Variants in ILRUN observed in about 807,000 individuals in gnomAD.
ILRUN encodes the protein protein ILRUN.
In ILRUN, 3 loss-of-function variants were observed where a neutral mutation model predicts 33.8. The ratio of observed to expected loss-of-function variants is 0.09; its 90% CI spans 0.04 to 0.23. The LOEUF (loss-of-function observed/expected upper bound fraction) is 0.23, where lower values mean the gene tolerates loss of function less well. ILRUN is among the 10% of genes least tolerant of loss of function. The pLI is 1.00. For missense variants in ILRUN, 210 were observed against 375.1 expected, an observed-to-expected ratio of 0.56 and a Z score of 3.64; for synonymous variants, 124 against 138.9, an observed-to-expected ratio of 0.89 and a Z score of 0.75.
At chr6:34,624,709 C>T (rs936800898) in intron 3 of ILRUN, among the ~76,000 whole-genome samples, 1 of 152,172 alleles carries the variant, frequency 6.6e-6, no homozygotes, top group African/African-American at 2.4e-5. Flanking sequence ...CCAAGGTGAG[C>T]TTTAACTTCT....
rs148993318 is a variant in ILRUN, at chr6:34,692,514, A to C, written c.158+3932T>G. Among the ~76,000 whole-genome samples, 730 of 152,308 alleles carry C rather than the reference A, an allele frequency of 4.8e-3. 9 individuals carry two copies. Among genetic ancestry groups the C allele is most frequent in the African/African-American group, 0.016 (685 of 41,564 alleles). ...TAGAAATTAAATGATGCGTAGAACAACACGTCTAGACTTTAGATTTTTACT... is the reference window on the plus strand; with the variant it reads ...TAGAAATTAAATGATGCGTAGAACACCACGTCTAGACTTTAGATTTTTACT... On this transcript the variant is annotated intron_variant, in intron 1 of 4. Transcript: ENST00000374023.
At chr6:34,676,300 G>A (rs1339972559) in intron 1 of ILRUN, among the ~76,000 whole-genome samples, 2 of 151,920 alleles carry the variant, frequency 1.3e-5, no homozygotes, top group Admixed American at 1.3e-4. Context: ...TAGGGAGGCT[G>A]AGGCAGGAGG....
intron 1 of ILRUN, among the ~76,000 whole-genome samples, chr6:34,665,699 G>C (rs375513668): frequency 2.4e-4 from 37 of 151,838 alleles, no homozygotes; most frequent in African/African-American, 7.3e-4. Flanking sequence ...AAAGTGCTGG[G>C]ATTACAAGTA....
intron 1 of ILRUN, among the ~76,000 whole-genome samples, chr6:34,681,332 A>G (rs1027508634): frequency 6.6e-6 from 1 of 152,212 alleles, no homozygotes; most frequent in Non-Finnish European, 1.5e-5. Context: ...CTGACCCTCT[A>G]TATTTGGGAA....
In ILRUN at chr6:34,606,547, G is replaced by T; in HGVS notation, c.861+8C>A. 1 of 1,608,362 alleles carries T rather than the reference G, an allele frequency of 6.2e-7. No homozygotes were observed. Among genetic ancestry groups the T allele is most frequent in the Admixed American group, 1.7e-5 (1 of 59,816 alleles). On this transcript the variant is annotated splice_region_variant and intron_variant, in intron 4 of 4. Coordinates refer to ENST00000374023, the MANE Select transcript of ILRUN (RefSeq NM_024294.4). Reference sequence around the variant, plus strand: ...CACCTACCCCTTCTCTTCTCCAAGGGCACCTACCTTACTGTAAGTCACTAC... The same window carrying T: ...CACCTACCCCTTCTCTTCTCCAAGGTCACCTACCTTACTGTAAGTCACTAC...
chr6:34,625,529 G>A (rs944863276), intron 3 of ILRUN, among the ~76,000 whole-genome samples: 6 of 152,116 alleles, frequency 3.9e-5, no homozygotes, highest in Non-Finnish European at 1.5e-5. Context: ...ATCTGTGATG[G>A]TTAGCTACTC....
At chr6:34,613,326 T>A (rs1761801367) in intron 3 of ILRUN, among the ~76,000 whole-genome samples, 1 of 152,176 alleles carries the variant, frequency 6.6e-6, no homozygotes, top group South Asian at 2.1e-4. Flanking sequence ...GGAGCTCACA[T>A]CCATAATCTC....
chr6:34,628,921 C>T (rs1762193470), intron 3 of ILRUN, among the ~76,000 whole-genome samples: 1 of 152,018 alleles, frequency 6.6e-6, no homozygotes, highest in East Asian at 1.9e-4. Context: ...TCAAGACCAG[C>T]CTGGACAATA....
At chr6:34,682,023 TATATTTTTATTTTTTTAC>T (rs1228327145) in intron 1 of ILRUN, among the ~76,000 whole-genome samples, 26 of 103,652 alleles carry the variant, frequency 2.5e-4, no homozygotes, top group African/African-American at 4.3e-4. Flanking sequence ...CACTAATTCT[TATATTTTTATTTTTTTAC>T]TTTTTTTTTT....
chr6:34,678,191 C>G (rs1378733587), intron 1 of ILRUN, among the ~76,000 whole-genome samples: 1 of 152,064 alleles, frequency 6.6e-6, no homozygotes, highest in Non-Finnish European at 1.5e-5. Flanking sequence ...AGGTGCCCAC[C>G]ACCAGGCCCG....
intron 1 of ILRUN, among the ~76,000 whole-genome samples, chr6:34,672,550 T>TA (rs1378298582): frequency 1.3e-5 from 2 of 151,954 alleles, no homozygotes; most frequent in African/African-American, 4.8e-5. Context: ...CCTGTCTCTT[T>TA]AAAAAAAATT....
At chr6:34,643,018 A>T (rs1435421028) in intron 3 of ILRUN, among the ~76,000 whole-genome samples, 1 of 150,082 alleles carries the variant, frequency 6.7e-6, no homozygotes, top group Non-Finnish European at 1.5e-5. Context: ...GAGAGAGGCC[A>T]GGCGCAGTGG....
intron 1 of ILRUN, among the ~76,000 whole-genome samples, chr6:34,683,409 T>TAC (rs1763417774): frequency 2.0e-5 from 2 of 99,658 alleles, no homozygotes; most frequent in Non-Finnish European, 3.5e-5. Context: ...CATATATACA[T>TAC]ATATATATAC....
In ILRUN at chr6:34,669,143, T is replaced by C. The variant is rs115730233; in HGVS notation, c.159-14364A>G. Among the ~76,000 whole-genome samples the C allele has an allele frequency of 4.0e-3, 612 of 151,722 alleles. 1 individual carries two copies. Among genetic ancestry groups the C allele is most frequent in the Middle Eastern group, 0.014 (4 of 294 alleles). ...TACAAGCATGAGTCTTTTGTTTTTA[T>C]GAGACAGTCTCATTCTGTTGCCCAG... On this transcript the variant is annotated intron_variant, in intron 1 of 4. Transcript: ENST00000374023.
chr6:34,597,599 T>C (rs1250426560), intron 4 of ILRUN, among the ~76,000 whole-genome samples: 1 of 152,232 alleles, frequency 6.6e-6, no homozygotes, highest in Non-Finnish European at 1.5e-5. Flanking sequence ...AGGCATCAGC[T>C]TGCATAATGG....
rs1561991820 is a variant in ILRUN, at chr6:34,588,016, C to T, written c.*2549G>A. ...ATTGGGGCTGAGAGGTAGCCACTAC[C>T]ACCCCACTAGGCAGGGGAGCAGAGA... is the stretch of plus-strand genomic sequence containing the variant. On this transcript the variant is annotated 3_prime_UTR_variant, in exon 5 of 5. Transcript: ENST00000374023. 2 of 398,638 alleles carry T rather than the reference C, an allele frequency of 5.0e-6. No homozygotes were observed. The highest frequency in any genetic ancestry group is 2.6e-4 in the South Asian group (2 of 7,760). 24.7% of individuals were successfully genotyped at this position (398,638 alleles called of 1,614,324 possible).
In ILRUN at chr6:34,602,269, C is replaced by T. The variant is rs115404020; in HGVS notation, c.861+4286G>A. The stretch of plus-strand genomic sequence containing the variant: ...GTAGCTGTCCTAAAGAACAGCCCCT[C>T]GATTCTGCCAGCCACACTCTTATCC... On this transcript the variant is annotated intron_variant, in intron 4 of 4. Transcript: ENST00000374023. 3.3e-3 allele frequency among the ~76,000 whole-genome samples: 508 copies of T among 152,252 alleles called. 4 individuals are homozygous for T. Among genetic ancestry groups the T allele is most frequent in the African/African-American group, 0.011 (466 of 41,540 alleles).
At chr6:34,637,160 G>A (rs1002795957) in intron 3 of ILRUN, among the ~76,000 whole-genome samples, 1 of 152,080 alleles carries the variant, frequency 6.6e-6, no homozygotes, top group African/African-American at 2.4e-5. Context: ...ATTTGCAAAT[G>A]TTTTACTCTG....
At chr6:34,616,669 G>A in intron 3 of ILRUN, 1 of 1,111,698 alleles carries the variant, frequency 9.0e-7, no homozygotes, top group East Asian at 2.3e-5. Context: ...GAAAGGCAAG[G>A]AGGAAGCTTA....
Sources: gnomAD v4.1 joint callset for allele counts (sites outside exome capture counted in the v4.1 genomes callset) on GRCh38, gnomAD v4.1.1 for gene constraint, MANE v1.5 for transcripts, NCBI Gene and HGNC (gene_info 2026-07-23, HGNC 2026-07-21) for gene names.